EFCAB6: variants seen among roughly 807,000 people sequenced by gnomAD.
EFCAB6 encodes the protein EF-hand calcium-binding domain-containing protein 6.
EFCAB6 carries 156 observed loss-of-function variants against 169.8 expected under a neutral mutation model. The observed-to-expected ratio is 0.92, with a 90% CI of 0.81 to 1.05. The LOEUF is 1.05. EFCAB6 is among the 50% of genes least tolerant of loss of function. The pLI, the probability that EFCAB6 is intolerant of heterozygous loss-of-function variation, is 0.00. For missense variants in EFCAB6, 1,800 were observed against 1,829.1 expected, an observed-to-expected ratio of 0.98 and a Z score of 0.29; for synonymous variants, 698 against 676.4, an observed-to-expected ratio of 1.03 and a Z score of -0.50.
At chr22:43,668,201 CT>C (rs1465492671) in intron 16 of EFCAB6, among the ~76,000 whole-genome samples, 1 of 152,130 alleles carries the variant, frequency 6.6e-6, no homozygotes, top group East Asian at 1.9e-4. Context: ...TACTTAAGAA[CT>C]TTTTAAAAGG....
rs539786356 is a variant in EFCAB6 at position 43,530,031 on chromosome 22, T to C, written c.4383+784A>G. 1.1e-4 allele frequency among the ~76,000 whole-genome samples: 17 copies of C among 152,278 alleles called. No homozygotes were observed. In the East Asian group the frequency reaches 2.9e-3, roughly 26 times the overall value. On this transcript the variant is annotated intron_variant, in intron 31 of 31. Transcript: ENST00000262726. ...GGGCTGAGGTCAGCAGGCCTGGCCA[T>C]TGGGCCCCATGGGATGAAGGCAGAA...
rs1232529486 is a variant in EFCAB6 at position 43,744,317 on chromosome 22, G to A, written c.508-8324C>T. Among the ~76,000 whole-genome samples the A allele has an allele frequency of 1.3e-5, 2 of 152,156 alleles. No homozygotes were observed. Among genetic ancestry groups the A allele is most frequent in the East Asian group, 3.9e-4 (2 of 5,180 alleles). On this transcript the variant is annotated intron_variant, in intron 6 of 31. Transcript: ENST00000262726. The surrounding 1 kb of genome is among the most constrained non-coding windows in gnomAD (Gnocchi z 4.3). The stretch of plus-strand genomic sequence containing the variant: ...TGCAAGCCAAGACAATCCTTGTAGA[G>A]ACAGGACAGGAACCTGCAAAAAGGG...
At chr22:43,729,252 G>A (rs557457399) in intron 8 of EFCAB6, among the ~76,000 whole-genome samples, 2 of 152,254 alleles carry the variant, frequency 1.3e-5, no homozygotes, top group South Asian at 4.2e-4. Flanking sequence ...CAACACTGGG[G>A]ATCACATTTC....
At chr22:43,636,930 T>C (rs537333204) in intron 17 of EFCAB6, among the ~76,000 whole-genome samples, 2 of 152,146 alleles carry the variant, frequency 1.3e-5, no homozygotes, top group East Asian at 1.9e-4. Flanking sequence ...TATTAACCAC[T>C]GTGATGAGAT....
chr22:43,683,628 A>G, intron 12 of EFCAB6, 119 bp downstream of exon 12: 1 of 768,654 alleles, frequency 1.3e-6, no homozygotes, highest in Non-Finnish European at 2.2e-6. Context: ...ACGGGGGCTC[A>G]AGAAGTGTTT....
chr22:43,677,968 C>G, intron 13 of EFCAB6, 28 bp downstream of exon 13: 1 of 1,588,834 alleles, frequency 6.3e-7, no homozygotes, highest in Non-Finnish European at 8.6e-7. Context: ...AAAGAGAAAA[C>G]CAAACAGGAA....
chr22:43,697,875 C>T (rs1188794215), intron 10 of EFCAB6, among the ~76,000 whole-genome samples: 1 of 152,156 alleles, frequency 6.6e-6, no homozygotes, highest in Non-Finnish European at 1.5e-5. Flanking sequence ...CAAAGAGCCT[C>T]TAATCCATTC....
rs775768150 is a variant in EFCAB6 at position 43,735,870 on chromosome 22, C to T, written c.631G>A (p.Glu211Lys). ...TCATTTGCTTACTTTTCGTATTCCTCGTCTCTTAACTTCATACAGAAGGTC... is the reference window on the plus strand; with the variant it reads ...TCATTTGCTTACTTTTCGTATTCCTTGTCTCTTAACTTCATACAGAAGGTC... The part of the protein sequence containing the change: ...LETFCMKLRD[E>K]EYEKFSKHYN... Residue 211 changes from glutamate (E) to lysine (K), a missense_variant, in exon 7 of 32, where the codon GAG (glutamate) becomes AAG (lysine). Coordinates refer to ENST00000262726, the MANE Select transcript of EFCAB6 (RefSeq NM_022785.4). 2.6e-5 allele frequency: 42 copies of T among 1,613,258 alleles called. No individual in the cohort carries two copies. Among genetic ancestry groups the T allele is most frequent in the Non-Finnish European group, 3.2e-5 (38 of 1,179,882 alleles).
chr22:43,639,949 T>C (rs1478195584), intron 17 of EFCAB6, among the ~76,000 whole-genome samples: 1 of 152,208 alleles, frequency 6.6e-6, no homozygotes, highest in East Asian at 1.9e-4. Context: ...AATTTTTTGT[T>C]TCAGATATCT....
intron 29 of EFCAB6, chr22:43,535,118 A>G: frequency 2.1e-6 from 1 of 480,756 alleles, no homozygotes; most frequent in Non-Finnish European, 3.7e-6. Flanking sequence ...GTCACAGCTT[A>G]TGGACAGAGA....
At chr22:43,714,282 A>C (rs2059255520) in intron 9 of EFCAB6, among the ~76,000 whole-genome samples, 1 of 152,120 alleles carries the variant, frequency 6.6e-6, no homozygotes. Context: ...GCTATGAAGG[A>C]GAGGCAAAGA....
chr22:43,688,712 A>G (rs1199430528), intron 10 of EFCAB6, among the ~76,000 whole-genome samples: 2 of 152,202 alleles, frequency 1.3e-5, no homozygotes, highest in Admixed American at 6.5e-5. Context: ...CAGGCTGGAA[A>G]ACCAGCAAGC....
intron 3 of EFCAB6, among the ~76,000 whole-genome samples, chr22:43,779,751 A>G (rs1449482951): frequency 6.6e-6 from 1 of 152,150 alleles, no homozygotes; most frequent in Non-Finnish European, 1.5e-5. Flanking sequence ...ATAAAACAAC[A>G]AGAAAAAAAA....
In EFCAB6 at chr22:43,594,275, C is replaced by CAAA. The variant is rs750560174; in HGVS notation, c.2877-4049_2877-4047dup. On this transcript the variant is annotated intron_variant, in intron 23 of 31. Transcript: ENST00000262726. ...GGGCAACAAGAGTGAAACTCTGTTT[C>CAAA]AAAAAAAAAAAAAAAAAAAAAAAGA... Among the ~76,000 whole-genome samples, 169 of 81,454 alleles carry CAAA rather than the reference C, an allele frequency of 2.1e-3. 2 individuals are homozygous for CAAA. The highest frequency in any genetic ancestry group is 3.6e-3 in the South Asian group (8 of 2,218). 53.4% of individuals were successfully genotyped at this position (81,454 alleles called of 152,430 possible). A position where few individuals can be genotyped will look rare whatever the true frequency, so the allele number is the denominator to read the frequency against.
chr22:43,571,070 G>A (rs770705000), intron 26 of EFCAB6, among the ~76,000 whole-genome samples: 1 of 152,216 alleles, frequency 6.6e-6, no homozygotes, highest in Non-Finnish European at 1.5e-5. Context: ...CAGGAAGCCC[G>A]CGGCCCTTGC....
chr22:43,789,713 A>G (rs1481890998), intron 2 of EFCAB6, among the ~76,000 whole-genome samples: 1 of 152,110 alleles, frequency 6.6e-6, no homozygotes, highest in South Asian at 2.1e-4. Context: ...GTGTTTCAGA[A>G]AATAAGGGGA....
intron 17 of EFCAB6, among the ~76,000 whole-genome samples, chr22:43,664,786 G>C (rs1490366272): frequency 6.6e-6 from 1 of 152,184 alleles, no homozygotes; most frequent in Non-Finnish European, 1.5e-5. Flanking sequence ...GGACCATGCA[G>C]GGTCTCCTAG....
chr22:43,737,702 C>T (rs1377556230), intron 6 of EFCAB6, among the ~76,000 whole-genome samples: 3 of 150,900 alleles, frequency 2.0e-5, no homozygotes, highest in African/African-American at 7.3e-5. Flanking sequence ...TACTCATACA[C>T]ACTCACACCA....
Position 43,608,618 on chromosome 22 carries a change from G to T in EFCAB6, c.2563-18C>A. ...AGAAAATTCTACAACATCAGAATAC[G>T]GTATTTAGGAACATGTGAAATGTGC... is the stretch of plus-strand genomic sequence containing the variant. On this transcript the variant is annotated intron_variant, in intron 21 of 31. Transcript: ENST00000262726. 1 of 1,607,730 alleles carries T rather than the reference G, an allele frequency of 6.2e-7. No individual in the cohort carries two copies. Among genetic ancestry groups the T allele is most frequent in the Non-Finnish European group, 8.5e-7 (1 of 1,174,302 alleles).
Sources: gnomAD v4.1 joint callset for allele counts (sites outside exome capture counted in the v4.1 genomes callset) on GRCh38, gnomAD v4.1.1 for gene constraint, Gnocchi (gnomAD v3.1) non-coding constraint, MANE v1.5 for transcripts, NCBI Gene and HGNC (gene_info 2026-07-23, HGNC 2026-07-21) for gene names.